WDPCP: variants seen among roughly 807,000 people sequenced by gnomAD.
WDPCP encodes WD repeat-containing and planar cell polarity effector protein fritz homolog.
WDPCP carries 71 observed loss-of-function variants against 93.1 expected under a neutral mutation model. The observed-to-expected ratio is 0.76, with a 90% CI of 0.63 to 0.93. The LOEUF is 0.93. Ranked by LOEUF, WDPCP falls within the 40% of genes least tolerant of loss-of-function variation. WDPCP has a pLI of 0.00. For synonymous variants in WDPCP, 315 were observed against 315.0 expected, an observed-to-expected ratio of 1.00 and a Z score of 0.00; for missense variants, 844 against 887.4, an observed-to-expected ratio of 0.95 and a Z score of 0.62.
chr2:63,713,568 T>C (rs768598511), intron 2 of WDPCP, among the ~76,000 whole-genome samples: 11 of 152,226 alleles, frequency 7.2e-5, no homozygotes, highest in Non-Finnish European at 1.0e-4. Context: ...CATACCAATT[T>C]ACCCATAACA....
intron 3 of WDPCP, among the ~76,000 whole-genome samples, chr2:63,637,151 A>T (rs1157818275): frequency 6.6e-6 from 1 of 152,154 alleles, no homozygotes; most frequent in Admixed American, 6.5e-5. Context: ...CAGGAGTTCA[A>T]GACCAGCCTG....
At chr2:63,559,461 T>C (rs1327575052) in intron 1 of WDPCP, among the ~76,000 whole-genome samples, 1 of 152,148 alleles carries the variant, frequency 6.6e-6, no homozygotes, top group African/African-American at 2.4e-5. Context: ...GGTATTCAAA[T>C]AGGAAGAGAG....
intron 6 of WDPCP, among the ~76,000 whole-genome samples, chr2:63,463,149 C>CA (rs76868317): frequency 4.9e-3 from 590 of 121,342 alleles, no homozygotes; most frequent in East Asian, 0.015. Context: ...CTGAAAGAAC[C>CA]AAAAAAAAAA....
At chr2:63,319,387 G>C (rs1416807122) in intron 12 of WDPCP, among the ~76,000 whole-genome samples, 1 of 152,136 alleles carries the variant, frequency 6.6e-6, no homozygotes, top group Non-Finnish European at 1.5e-5. Flanking sequence ...AATGTATAAA[G>C]CAAAACATGA....
chr2:63,696,856 T>C (rs1433914452), intron 2 of WDPCP, among the ~76,000 whole-genome samples: 1 of 152,326 alleles, frequency 6.6e-6, no homozygotes, highest in African/African-American at 2.4e-5. Flanking sequence ...AAAAGTGAGA[T>C]ATCAAAATAT....
intron 17 of WDPCP, among the ~76,000 whole-genome samples, chr2:63,139,147 ATATGTG>A (rs945989846): frequency 1.4e-5 from 2 of 141,128 alleles, no homozygotes; most frequent in Non-Finnish European, 3.1e-5. Flanking sequence ...ATGTGTGTGT[ATATGTG>A]TATGTATATA....
chr2:63,642,700 T>G (rs1396796722), intron 3 of WDPCP: 1 of 152,170 alleles, frequency 6.6e-6, no homozygotes, highest in East Asian at 1.9e-4. Context: ...AGTTTTTGTG[T>G]GCATATGTCT....
At chr2:63,537,515 A>C (rs1311535196) in intron 1 of WDPCP, among the ~76,000 whole-genome samples, 17 of 152,262 alleles carry the variant, frequency 1.1e-4, no homozygotes, top group Non-Finnish European at 1.5e-5. Context: ...CCTTACTCAC[A>C]ACTCTGGCCT....
chr2:63,195,052 T>G (rs1675324272), intron 14 of WDPCP, among the ~76,000 whole-genome samples: 1 of 152,326 alleles, frequency 6.6e-6, no homozygotes, highest in East Asian at 1.9e-4. Flanking sequence ...CTAGGAAATA[T>G]ATAAACAAGT....
At chr2:63,727,911 C>T (rs1328602784) in intron 2 of WDPCP, among the ~76,000 whole-genome samples, 1 of 151,992 alleles carries the variant, frequency 6.6e-6, no homozygotes, top group Non-Finnish European at 1.5e-5. Flanking sequence ...TCTCTTTTTC[C>T]TTTATTAGTC....
At chr2:63,352,733 A>T (rs1475353781) in intron 12 of WDPCP, among the ~76,000 whole-genome samples, 1 of 152,186 alleles carries the variant, frequency 6.6e-6, no homozygotes, top group Non-Finnish European at 1.5e-5. Flanking sequence ...TTGGTGCCAG[A>T]CACCTTCCCT....
intron 6 of WDPCP, among the ~76,000 whole-genome samples, chr2:63,447,786 AAGTT>A (rs760077834): frequency 6.6e-6 from 1 of 152,110 alleles, no homozygotes; most frequent in Non-Finnish European, 1.5e-5. Context: ...TACGTAAAGA[AAGTT>A]AGAGAAAAAT....
intron 13 of WDPCP, among the ~76,000 whole-genome samples, chr2:63,292,658 C>T (rs999542161): frequency 5.9e-5 from 9 of 152,328 alleles, no homozygotes; most frequent in South Asian, 4.1e-4. Context: ...CCTCTTCACA[C>T]GGATTCCCCC....
intron 13 of WDPCP, among the ~76,000 whole-genome samples, chr2:63,273,999 G>A (rs1490412982): frequency 6.6e-6 from 1 of 152,046 alleles, no homozygotes; most frequent in Non-Finnish European, 1.5e-5. Context: ...AGACCAAATG[G>A]ACCTAACAGA....
At chr2:63,605,169 G>T (rs562630425) in intron 3 of WDPCP, 2 of 722,348 alleles carry the variant, frequency 2.8e-6, no homozygotes, top group Non-Finnish European at 4.7e-6. Context: ...TTTTGGAGGG[G>T]AAACATTAAG....
chr2:63,282,514 TAAAC>T (rs781408374), intron 13 of WDPCP, among the ~76,000 whole-genome samples: 34 of 151,998 alleles, frequency 2.2e-4, no homozygotes, highest in African/African-American at 6.3e-4. Flanking sequence ...CATAAATAAA[TAAAC>T]AAACAAACAG....
intron 13 of WDPCP, among the ~76,000 whole-genome samples, chr2:63,288,019 C>T (rs1684137816): frequency 1.3e-5 from 2 of 152,224 alleles, no homozygotes; most frequent in South Asian, 4.1e-4. Flanking sequence ...GATCACCAAG[C>T]AAGTGCCTAG....
chr2:63,188,565 C>T (rs1057207656), intron 14 of WDPCP, among the ~76,000 whole-genome samples: 61 of 151,848 alleles, frequency 4.0e-4, no homozygotes, highest in Admixed American at 6.6e-5. Context: ...AACTCCTGAG[C>T]TCAAGCAATC....
intron 6 of WDPCP, chr2:63,440,085 A>C (rs1697406198): frequency 2.0e-6 from 1 of 510,504 alleles, no homozygotes; most frequent in Non-Finnish European, 3.6e-6. Context: ...AAATGCATTG[A>C]TTAAAGCTAC....
Sources: gnomAD v4.1 joint callset for allele counts (sites outside exome capture counted in the v4.1 genomes callset) on GRCh38, gnomAD v4.1.1 for gene constraint, MANE v1.5 for transcripts, NCBI Gene and HGNC (gene_info 2026-07-23, HGNC 2026-07-21) for gene names.